TRPM3: variants seen among roughly 807,000 people sequenced by gnomAD.
TRPM3 encodes transient receptor potential cation channel subfamily M member 3.
A neutral mutation model predicts 181.2 loss-of-function variants in TRPM3; 77 were observed. The ratio of observed to expected loss-of-function variants is 0.42; its 90% CI spans 0.35 to 0.51. The LOEUF (loss-of-function observed/expected upper bound fraction) is 0.51. TRPM3 is among the 20% of genes least tolerant of loss of function. The pLI, the probability that TRPM3 is intolerant of heterozygous loss-of-function variation, is 0.01. For synonymous variants in TRPM3, 745 were observed against 796.4 expected (o/e 0.94, Z 1.09); for missense variants, 1,759 against 2,196.7 (o/e 0.80, Z 3.98).
intron 1 of TRPM3, among the ~76,000 whole-genome samples, chr9:71,341,541 G>A (rs552236612): frequency 5.3e-5 from 8 of 151,956 alleles, no homozygotes; most frequent in South Asian, 2.1e-4. Context: ...GACAAGTACC[G>A]TTCAAAATTG....
chr9:71,103,488 T>C (rs1187789264), intron 1 of TRPM3, among the ~76,000 whole-genome samples: 1 of 152,144 alleles, frequency 6.6e-6, no homozygotes, highest in African/African-American at 2.4e-5. Flanking sequence ...ATATTAAATA[T>C]TGGTAAACTG....
chr9:71,322,539 G>A lies in TRPM3; in HGVS notation c.183+124114C>T, dbSNP rs62544222. Among the ~76,000 whole-genome samples, 4 of 152,016 alleles carry A rather than the reference G, an allele frequency of 2.6e-5. No individual in the cohort carries two copies. The South Asian group carries it at 8.3e-4, about 32-fold the overall frequency. Reference sequence around the variant, plus strand: ...AGTTAGACTATACCAGCATGCTCTGGGTGAGTGAGGTAGTTGCAAGGAAAA... The same window carrying A: ...AGTTAGACTATACCAGCATGCTCTGAGTGAGTGAGGTAGTTGCAAGGAAAA... On this transcript the variant is annotated intron_variant, in intron 1 of 24. Transcript: ENST00000357533.
intron 1 of TRPM3, among the ~76,000 whole-genome samples, chr9:71,266,558 G>A (rs899107560): frequency 3.9e-5 from 6 of 152,018 alleles, no homozygotes; most frequent in African/African-American, 1.4e-4. Context: ...AATGAGCAGA[G>A]GCATAAATAA....
At chr9:71,220,621 C>A (rs1453912182) in intron 1 of TRPM3, among the ~76,000 whole-genome samples, 1 of 152,090 alleles carries the variant, frequency 6.6e-6, no homozygotes, top group Non-Finnish European at 1.5e-5. Flanking sequence ...AGATAGACCC[C>A]AGTTCTAATC....
At chr9:71,119,821 T>A (rs187069921) in intron 1 of TRPM3, among the ~76,000 whole-genome samples, 1 of 152,156 alleles carries the variant, frequency 6.6e-6, no homozygotes, top group Non-Finnish European at 1.5e-5. Context: ...CTATCACACA[T>A]GTTGTTACAA....
chr9:70,634,145 T>C (rs1177356671), intron 12 of TRPM3, among the ~76,000 whole-genome samples: 1 of 152,222 alleles, frequency 6.6e-6, no homozygotes, highest in African/African-American at 2.4e-5. Context: ...AATCTCACTC[T>C]GTTGTTCAGG....
At chr9:71,403,552 T>A (rs2093381384) in intron 1 of TRPM3, among the ~76,000 whole-genome samples, 1 of 152,234 alleles carries the variant, frequency 6.6e-6, no homozygotes, top group Non-Finnish European at 1.5e-5. Context: ...CAGGTTCTAT[T>A]ATGCTAACTA....
At chr9:70,671,498 A>G (rs2062916424) in intron 9 of TRPM3, among the ~76,000 whole-genome samples, 2 of 152,078 alleles carry the variant, frequency 1.3e-5, no homozygotes, top group South Asian at 4.2e-4. Context: ...ATAATGAAGT[A>G]CAAAACCATT....
intron 1 of TRPM3, among the ~76,000 whole-genome samples, chr9:71,055,049 G>A (rs2060500754): frequency 6.6e-6 from 1 of 152,052 alleles, no homozygotes; most frequent in East Asian, 1.9e-4. Flanking sequence ...TGGAGATTCT[G>A]GTTCATTGGA....
chr9:70,808,099 A>T (rs1588637712), intron 6 of TRPM3, among the ~76,000 whole-genome samples: 1 of 152,304 alleles, frequency 6.6e-6, no homozygotes, highest in Non-Finnish European at 1.5e-5. Flanking sequence ...ACAGATGAAA[A>T]ATATGAAAGG....
chr9:70,753,236 T>A (rs1022983551), intron 8 of TRPM3, among the ~76,000 whole-genome samples: 1 of 150,008 alleles, frequency 6.7e-6, no homozygotes, highest in South Asian at 2.1e-4. Context: ...TTTCTATTTA[T>A]CAAAGTACAT....
chr9:70,848,610 A>G (rs937621194), intron 3 of TRPM3, among the ~76,000 whole-genome samples: 3 of 152,240 alleles, frequency 2.0e-5, no homozygotes, highest in Non-Finnish European at 4.4e-5. Context: ...TGTACAAAGA[A>G]TAGTCATTAG....
At chr9:70,627,092 T>C (rs1171023737) in intron 12 of TRPM3, among the ~76,000 whole-genome samples, 1 of 100,854 alleles carries the variant, frequency 9.9e-6, no homozygotes, top group Non-Finnish European at 2.3e-5. Flanking sequence ...CAAAACCAAG[T>C]AGCCACAATC....
intron 1 of TRPM3, among the ~76,000 whole-genome samples, chr9:70,878,291 G>C (rs2095909558): frequency 6.6e-6 from 1 of 152,098 alleles, no homozygotes; most frequent in African/African-American, 2.4e-5. Context: ...CAGAAGCATA[G>C]CTGTGGAGTT....
chr9:70,630,339 C>T (rs12001853), intron 12 of TRPM3, among the ~76,000 whole-genome samples: 12,118 of 152,308 alleles, frequency 0.08, 612 homozygotes, highest in South Asian at 0.14. Context: ...TTACTCCTTT[C>T]GGCCCACTGG....
chr9:70,808,827 C>T (rs2131365752), intron 6 of TRPM3, among the ~76,000 whole-genome samples: 1 of 152,282 alleles, frequency 6.6e-6, no homozygotes, highest in African/African-American at 2.4e-5. Flanking sequence ...CTGTTTGAGG[C>T]AGTAGAAAGT....
At chr9:70,924,865 T>TC in intron 1 of TRPM3, among the ~76,000 whole-genome samples, 1 of 152,282 alleles carries the variant, frequency 6.6e-6, no homozygotes. Flanking sequence ...TAAGAACTCT[T>TC]ATTTTCAAGA....
chr9:71,418,566 G>A (rs1295844232), intron 1 of TRPM3, among the ~76,000 whole-genome samples: 2 of 151,630 alleles, frequency 1.3e-5, no homozygotes, highest in African/African-American at 2.4e-5. Context: ...TCAATGGGGA[G>A]GGGATATTAG....
chr9:71,136,573 T>C (rs1274090178), intron 1 of TRPM3, among the ~76,000 whole-genome samples: 1 of 152,136 alleles, frequency 6.6e-6, no homozygotes, highest in East Asian at 1.9e-4. Flanking sequence ...TTTCCAGTGG[T>C]ATTTTGGTGT....
Sources: gnomAD v4.1 joint callset for allele counts (sites outside exome capture counted in the v4.1 genomes callset) on GRCh38, gnomAD v4.1.1 for gene constraint, MANE v1.5 for transcripts, NCBI Gene and HGNC (gene_info 2026-07-23, HGNC 2026-07-21) for gene names.